Variants in ZFX observed in about 807,000 individuals in gnomAD.
The protein encoded by ZFX is zinc finger X-chromosomal protein.
For missense variants in ZFX, 362 were observed against 628.3 expected, an observed-to-expected ratio of 0.58 and a Z score of 4.53; for synonymous variants, 196 against 226.8, an observed-to-expected ratio of 0.86 and a Z score of 1.22.
chrX:24,163,410 C>G (rs193137285), intron 3 of ZFX, among the ~76,000 whole-genome samples: 1,264 of 69,281 alleles, frequency 0.018, 41 homozygotes, highest in African/African-American at 0.071. Context: ...CAGAGTCTCA[C>G]TCTGTCGCCC....
chrX:24,155,508 A>G (rs1364302145), intron 3 of ZFX, among the ~76,000 whole-genome samples: 1 of 112,343 alleles, frequency 8.9e-6, no homozygotes, highest in Non-Finnish European at 1.9e-5. Flanking sequence ...TGCTATGAAC[A>G]TCCTTATACA....
chrX:24,153,715 T>A (rs1352448174), intron 3 of ZFX, among the ~76,000 whole-genome samples: 1 of 111,542 alleles, frequency 9.0e-6, no homozygotes, highest in East Asian at 2.8e-4. Flanking sequence ...TGTATTATAT[T>A]TGAACTGTGT....
intron 5 of ZFX, among the ~76,000 whole-genome samples, chrX:24,182,169 A>G (rs1935742577): frequency 9.1e-6 from 1 of 109,589 alleles, no homozygotes; most frequent in Non-Finnish European, 1.9e-5. Context: ...AAGGTGGGGG[A>G]AGGGGGAAGA....
At chrX:24,180,010 C>T (rs1300673863) in intron 5 of ZFX, among the ~76,000 whole-genome samples, 2 of 110,257 alleles carry the variant, frequency 1.8e-5, no homozygotes, top group African/African-American at 6.6e-5. Flanking sequence ...GGTGGATCAC[C>T]TGAGGTCAGG....
intron 3 of ZFX, 119 bp downstream of exon 3, chrX:24,152,949 C>G (rs1014590951): frequency 8.9e-6 from 1 of 112,059 alleles, no homozygotes; most frequent in African/African-American, 3.2e-5. Flanking sequence ...ACCCAACCAC[C>G]CTGGATGAAT....
At chrX:24,159,513 C>A (rs1159609327) in intron 3 of ZFX, among the ~76,000 whole-genome samples, 1 of 110,872 alleles carries the variant, frequency 9.0e-6, no homozygotes, top group Non-Finnish European at 1.9e-5. Context: ...TCTCTCTTGT[C>A]GCCCAGGCTG....
At chrX:24,179,844 A>G in intron 5 of ZFX, 74 bp downstream of exon 5, 2 of 950,943 alleles carry the variant, frequency 2.1e-6, no homozygotes, top group Non-Finnish European at 2.9e-6. Context: ...CAGGGGTGAA[A>G]TTTTCTTGAC....
intron 3 of ZFX, among the ~76,000 whole-genome samples, chrX:24,169,518 A>C (rs1601838998): frequency 1.8e-5 from 2 of 108,662 alleles, no homozygotes; most frequent in African/African-American, 6.7e-5. Context: ...GAAAGGAGCA[A>C]GGCCAGTCCA....
chrX:24,213,633 C>T lies in ZFX; in HGVS notation c.*2257C>T, dbSNP rs181225675. 9.2e-6 allele frequency: 1 copy of T among 108,243 alleles called. No individual in the cohort carries two copies. The highest frequency in any genetic ancestry group is 2.9e-4 in the East Asian group (1 of 3,449). 8.9% of individuals were successfully genotyped at this position (108,243 alleles called of 1,213,427 possible). ...AAGTCAAGGCATGGGTTTTCCTAGC[C>T]TATCTTATAGGAAATTCCTGTACCT... is the stretch of plus-strand genomic sequence containing the variant. On this transcript the variant is annotated 3_prime_UTR_variant, in exon 10 of 10. Coordinates refer to ENST00000304543, the MANE Select transcript of ZFX (RefSeq NM_003410.4).
intron 4 of ZFX, among the ~76,000 whole-genome samples, chrX:24,175,176 T>C (rs1273692244): frequency 8.9e-6 from 1 of 112,613 alleles, no homozygotes; most frequent in Non-Finnish European, 1.9e-5. Flanking sequence ...TGAAAGAGAC[T>C]AAACTCTTTG....
intron 3 of ZFX, among the ~76,000 whole-genome samples, chrX:24,162,056 A>G (rs1401451270): frequency 6.5e-5 from 5 of 77,215 alleles, no homozygotes; most frequent in African/African-American, 2.1e-4. Context: ...TCTAAAAAGG[A>G]AAAAAAAAAA....
chrX:24,165,770 G>A (rs1181899932), intron 3 of ZFX, among the ~76,000 whole-genome samples: 2 of 112,022 alleles, frequency 1.8e-5, no homozygotes, highest in South Asian at 3.7e-4. Context: ...CACACTGCTC[G>A]AACTAAGTCT....
At position 24,211,757 on chromosome X, in the gene ZFX, G is replaced by A. The variant is rs1476753801; in HGVS notation, c.*381G>A. 2 of 127,073 alleles carry A rather than the reference G, an allele frequency of 1.6e-5. No homozygotes were observed. Among genetic ancestry groups the A allele is most frequent in the Admixed American group, 8.3e-5 (1 of 12,052 alleles). 10.5% of individuals were successfully genotyped at this position (127,073 alleles called of 1,213,427 possible). ...TATTGGTAACTCTGAAAGTATTCATGTTGACTCATTTTTTTCCCCATACAT... is the reference window on the plus strand; with the variant it reads ...TATTGGTAACTCTGAAAGTATTCATATTGACTCATTTTTTTCCCCATACAT... On this transcript the variant is annotated 3_prime_UTR_variant, in exon 10 of 10. Transcript: ENST00000304543.
intron 3 of ZFX, among the ~76,000 whole-genome samples, chrX:24,169,130 T>G (rs768974334): frequency 2.7e-5 from 3 of 111,529 alleles, no homozygotes; most frequent in Non-Finnish European, 5.7e-5. Context: ...CATCTCTGTT[T>G]AGAATGTTTG....
intron 3 of ZFX, among the ~76,000 whole-genome samples, chrX:24,170,834 A>G (rs1370981212): frequency 1.8e-5 from 2 of 110,704 alleles, no homozygotes; most frequent in East Asian, 5.7e-4. Flanking sequence ...CTGGTCTCGA[A>G]CGCCTGACCT....
chrX:24,179,568 A>G lies in ZFX; in HGVS notation c.444A>G (p.Gly148=). The G allele has an allele frequency of 8.3e-7, 1 of 1,211,911 alleles. No homozygotes were observed. Among genetic ancestry groups the G allele is most frequent in the Non-Finnish European group, 1.1e-6 (1 of 895,607 alleles). ...SIHVSDVGHV[G]HVGHVEHVVH... is the part of the protein sequence containing the mutation. Reference sequence around the variant, plus strand: ...ATGTGTCTGACGTTGGACATGTTGGACATGTTGGACATGTTGAACATGTGG... The same window carrying G: ...ATGTGTCTGACGTTGGACATGTTGGGCATGTTGGACATGTTGAACATGTGG... Residue 148 remains glycine, a synonymous_variant, in exon 5 of 10, where the codon GGA becomes GGG. Coordinates refer to ENST00000304543, the MANE Select transcript of ZFX (RefSeq NM_003410.4).
chrX:24,179,080 C>A, intron 4 of ZFX, 103 bp from the exon 5 acceptor site: 1 of 692,951 alleles, frequency 1.4e-6, no homozygotes, highest in Non-Finnish European at 2.2e-6. Context: ...TTTAAGAAAA[C>A]TGAGGAGCTA....
rs750678446 is a variant in ZFX at position 24,210,293 on chromosome X, A to C, written c.1335A>C (p.Lys445Asn). 4.4e-5 allele frequency: 53 copies of C among 1,209,843 alleles called. No homozygotes were observed. The highest frequency in any genetic ancestry group is 5.4e-5 in the Non-Finnish European group (48 of 895,303). Residue 445 changes from lysine to asparagine, a missense_variant, in exon 10 of 10, where the codon AAA (lysine) becomes AAC (asparagine). Lys to Asn is a moderately conservative substitution (Grantham distance 94, BLOSUM62 0). Transcript: ENST00000304543. ...KSRGFLKRHM[K>N]NHPEHLAKKK... Reference sequence around the variant, plus strand: ...GAGGTTTTTTGAAAAGGCACATGAAAAACCATCCCGAACACCTTGCCAAGA... The same window carrying C: ...GAGGTTTTTTGAAAAGGCACATGAACAACCATCCCGAACACCTTGCCAAGA...
At chrX:24,173,748 C>A in intron 4 of ZFX, 6 of 415,957 alleles carry the variant, frequency 1.4e-5, no homozygotes, top group African/African-American at 2.7e-5. Context: ...GTCTGGCTAA[C>A]TTTTGTATTT....
Sources: gnomAD v4.1 joint callset for allele counts (sites outside exome capture counted in the v4.1 genomes callset) on GRCh38, gnomAD v4.1.1 for gene constraint, MANE v1.5 for transcripts, NCBI Gene and HGNC (gene_info 2026-07-23, HGNC 2026-07-21) for gene names.